The following LRRC9 variants were observed in gnomAD, a reference collection of about 807,000 sequenced individuals.
LRRC9 encodes the protein leucine-rich repeat-containing protein 9.
Under a neutral mutation model 63.2 loss-of-function variants are expected in LRRC9, and 122 were observed. The ratio of observed to expected loss-of-function variants is 1.93; its 90% CI spans 1.67 to 2.24. The LOEUF is 2.24. Ranked by LOEUF, LRRC9 falls within the 30% of genes most tolerant of loss-of-function variation. The pLI is 0.00. For missense variants in LRRC9, 1,071 were observed against 627.7 expected (o/e 1.71, Z -7.55); for synonymous variants, 366 against 213.1 (o/e 1.72, Z -6.25).
intron 17 of LRRC9, among the ~76,000 whole-genome samples, chr14:59,989,018 A>G (rs375831786): frequency 2.0e-5 from 3 of 152,220 alleles, no homozygotes; most frequent in Middle Eastern, 3.4e-3. Flanking sequence ...ATGAGAATGT[A>G]TGATTTTTTT....
chr14:60,028,306 T>G (rs1013166989), intron 28 of LRRC9, among the ~76,000 whole-genome samples: 1 of 152,098 alleles, frequency 6.6e-6, no homozygotes, highest in Non-Finnish European at 1.5e-5. Flanking sequence ...CAAAGCAACA[T>G]GCACAAGCTC....
At chr14:60,000,252 T>G (rs184536503) in intron 19 of LRRC9, among the ~76,000 whole-genome samples, 2 of 151,964 alleles carry the variant, frequency 1.3e-5, no homozygotes, top group Non-Finnish European at 2.9e-5. Context: ...TGGGTACACA[T>G]GGACATAAAG....
At chr14:59,991,035 G>A (rs767577288) in intron 17 of LRRC9, among the ~76,000 whole-genome samples, 4 of 152,148 alleles carry the variant, frequency 2.6e-5, no homozygotes, top group Non-Finnish European at 5.9e-5. Flanking sequence ...GTTTTTATGT[G>A]TGGATTCACA....
At chr14:60,050,636 TAGG>T (rs1345138611) in intron 29 of LRRC9, among the ~76,000 whole-genome samples, 2 of 152,218 alleles carry the variant, frequency 1.3e-5, no homozygotes, top group Non-Finnish European at 2.9e-5. Flanking sequence ...TGGTCATTTG[TAGG>T]AGAAGAGGCA....
In LRRC9 at chr14:59,932,841, A is replaced by G. The variant is rs1255047031; in HGVS notation, c.543+802A>G. Among the ~76,000 whole-genome samples the G allele has an allele frequency of 2.0e-5, 3 of 152,100 alleles. No individual in the cohort carries two copies. Among genetic ancestry groups the G allele is most frequent in the Non-Finnish European group, 4.4e-5 (3 of 68,012 alleles). On this transcript the variant is annotated intron_variant, in intron 6 of 31. Coordinates refer to ENST00000445360, the Ensembl canonical transcript of LRRC9. This position sits in a 1 kb window ranked among gnomAD's most constrained non-coding sequence, Gnocchi z 4.7. ...TGTTCTCCACACAGAAGCCTGATGG[A>G]ACCTTTAAAAATCTGTCAGATAAAA...
At chr14:60,007,444 A>G (rs988459031) in intron 22 of LRRC9, among the ~76,000 whole-genome samples, 1 of 152,188 alleles carries the variant, frequency 6.6e-6, no homozygotes, top group African/African-American at 2.4e-5. Flanking sequence ...AAGGCATATC[A>G]AAGTGTCTTG....
intron 19 of LRRC9, 99 bp from the exon 20 acceptor site, chr14:60,001,867 G>A (rs1167760894): frequency 1.6e-5 from 7 of 427,318 alleles, no homozygotes; most frequent in Non-Finnish European, 2.9e-5. Context: ...ATTATTTATT[G>A]GGCCACTCAT....
At chr14:59,978,250 T>C in intron 15 of LRRC9, 118 bp downstream of exon 15, 1 of 521,304 alleles carries the variant, frequency 1.9e-6, no homozygotes, top group Non-Finnish European at 3.4e-6. Context: ...TGTGTATAAT[T>C]GTTATTTTGT....
intron 17 of LRRC9, among the ~76,000 whole-genome samples, chr14:59,994,581 A>G (rs1427664160): frequency 1.3e-5 from 2 of 152,220 alleles, no homozygotes; most frequent in Non-Finnish European, 2.9e-5. Context: ...TTGCAGCACT[A>G]TTCACAATAG....
At chr14:60,008,596 G>T (rs1043771315) in intron 23 of LRRC9, among the ~76,000 whole-genome samples, 12 of 152,176 alleles carry the variant, frequency 7.9e-5, no homozygotes, top group African/African-American at 2.6e-4. Flanking sequence ...TAATAATTAA[G>T]AAAAATATAT....
chr14:60,006,082 C>T (rs1407721120), intron 21 of LRRC9, among the ~76,000 whole-genome samples: 1 of 151,836 alleles, frequency 6.6e-6, no homozygotes, highest in East Asian at 1.9e-4. Flanking sequence ...TGATGAAAAT[C>T]TTAATTAATT....
At chr14:59,991,640 T>C (rs958734982) in intron 17 of LRRC9, among the ~76,000 whole-genome samples, 1 of 152,030 alleles carries the variant, frequency 6.6e-6, no homozygotes, top group Non-Finnish European at 1.5e-5. Context: ...TTTCCAATGG[T>C]CTTGGCAAAC....
chr14:60,051,967 C>T lies in LRRC9; in HGVS notation c.3991-1098C>T, dbSNP rs1289177348. 6.6e-6 allele frequency among the ~76,000 whole-genome samples: 1 copy of T among 152,174 alleles called. No homozygotes were observed. The highest frequency in any genetic ancestry group is 1.5e-5 in the Non-Finnish European group (1 of 68,034). On this transcript the variant is annotated intron_variant, in intron 29 of 31. Coordinates refer to ENST00000445360, the Ensembl canonical transcript of LRRC9. This position sits in a 1 kb window ranked among gnomAD's most constrained non-coding sequence, Gnocchi z 4.7. Reference sequence around the variant, plus strand: ...TGCCACTCCCATGTGGGCTGTCACCCCACCCTGCTTTTCTTTGTTCCCCAT... The same window carrying T: ...TGCCACTCCCATGTGGGCTGTCACCTCACCCTGCTTTTCTTTGTTCCCCAT...
Position 59,924,444 on chromosome 14 carries a change from T to C in LRRC9, c.-33-3467T>C, listed in dbSNP as rs556484709. On this transcript the variant is annotated intron_variant, in intron 1 of 31. Transcript: ENST00000445360. ...AGGTTGTCCAAGAATGGAGTAAAGA[T>C]GAAATTGCCAATGGGAAGCAGGGAA... is the stretch of plus-strand genomic sequence containing the variant. Among the ~76,000 whole-genome samples the C allele has an allele frequency of 6.6e-5, 10 of 152,294 alleles. No homozygotes were observed. The East Asian group carries it at 1.5e-3, about 24-fold the overall frequency.
At chr14:59,944,624 G>T in exon 8 of LRRC9, 1 of 637,384 alleles carries the variant, frequency 1.6e-6, no homozygotes, top group South Asian at 1.9e-5. Context: ...ATTATAATAT[G>T]CGTATAAAAA....
At chr14:60,015,167 C>A (rs1297328683) in intron 23 of LRRC9, among the ~76,000 whole-genome samples, 1 of 151,918 alleles carries the variant, frequency 6.6e-6, no homozygotes, top group Non-Finnish European at 1.5e-5. Flanking sequence ...TCACTTATTT[C>A]TTTGCTAAGG....
At position 59,932,073 on chromosome 14, in the gene LRRC9, T is replaced by C. The variant is rs754153470; in HGVS notation, c.543+34T>C. The C allele has an allele frequency of 7.0e-5, 48 of 690,426 alleles. No homozygotes were observed. The highest frequency in any genetic ancestry group is 1.1e-4 in the Non-Finnish European group (43 of 380,126). The allele number at this position is 690,426 out of a possible 1,614,324, so 42.8% of individuals were successfully genotyped here. On this transcript the variant is annotated intron_variant, in intron 6 of 31. Transcript: ENST00000445360. The surrounding 1 kb of genome is among the most constrained non-coding windows in gnomAD (Gnocchi z 4.7). ...AAGTGGAATAATTAATTTTTATTTATCATCCTGAATCATGAACCATTGTGT... is the reference window on the plus strand; with the variant it reads ...AAGTGGAATAATTAATTTTTATTTACCATCCTGAATCATGAACCATTGTGT...
intron 6 of LRRC9, among the ~76,000 whole-genome samples, chr14:59,934,360 T>C (rs1358725909): frequency 6.6e-6 from 1 of 152,146 alleles, no homozygotes; most frequent in Admixed American, 6.5e-5. Flanking sequence ...AGAATGTATC[T>C]GGTTCTGGAT....
chr14:59,964,704 C>T lies in LRRC9; in HGVS notation c.1212-1885C>T, dbSNP rs1455088433. Among the ~76,000 whole-genome samples, 2 of 152,166 alleles carry T rather than the reference C, an allele frequency of 1.3e-5. No individual in the cohort carries two copies. Among genetic ancestry groups the T allele is most frequent in the South Asian group, 4.1e-4 (2 of 4,822 alleles). On this transcript the variant is annotated intron_variant, in intron 10 of 31. Coordinates refer to ENST00000445360, the Ensembl canonical transcript of LRRC9. The surrounding 1 kb of genome is among the most constrained non-coding windows in gnomAD (Gnocchi z 4.4). ...CAGATTTAGGCCCAGCAAATGATCC[C>T]TCTATAGGAGGGGCAGTAGCTTCCC...
Sources: gnomAD v4.1 joint callset for allele counts (sites outside exome capture counted in the v4.1 genomes callset) on GRCh38, gnomAD v4.1.1 for gene constraint, Gnocchi (gnomAD v3.1) non-coding constraint, MANE v1.5 for transcripts, NCBI Gene and HGNC (gene_info 2026-07-23, HGNC 2026-07-21) for gene names.